Variants in ADAMTS17 observed in about 807,000 individuals in gnomAD.
ADAMTS17 encodes the protein A disintegrin and metalloproteinase with thrombospondin motifs 17.
In ADAMTS17, 113 loss-of-function variants were observed where a neutral mutation model predicts 141.5. The observed-to-expected ratio is 0.80, with a 90% CI of 0.69 to 0.93. The LOEUF (loss-of-function observed/expected upper bound fraction) is 0.93, where lower values mean the gene tolerates loss of function less well. ADAMTS17 is among the 40% of genes least tolerant of loss of function. The pLI is 0.00. For synonymous variants in ADAMTS17, 768 were observed against 630.6 expected, an observed-to-expected ratio of 1.22 and a Z score of -3.27; for missense variants, 1,659 against 1,517.9, an observed-to-expected ratio of 1.09 and a Z score of -1.54.
At chr15:100,110,258 T>C (rs1180463556) in intron 13 of ADAMTS17, among the ~76,000 whole-genome samples, 2 of 140,878 alleles carry the variant, frequency 1.4e-5, no homozygotes, top group African/African-American at 5.1e-5. Context: ...TATAAATACA[T>C]ATATACATAT....
chr15:100,032,492 C>A (rs1250810688), intron 18 of ADAMTS17, among the ~76,000 whole-genome samples: 1 of 152,182 alleles, frequency 6.6e-6, no homozygotes, highest in Middle Eastern at 3.2e-3. Context: ...AATCCCAGAG[C>A]TTTGGGCCTT....
chr15:100,211,099 CAAATAAATAAATAAATAAAT>C (rs372084235), intron 7 of ADAMTS17, among the ~76,000 whole-genome samples: 12 of 131,868 alleles, frequency 9.1e-5, no homozygotes, highest in Admixed American at 7.0e-4. Context: ...GACTCAGTCT[CAAATAAATAAATAAATAAAT>C]AAATAAATAA....
intron 15 of ADAMTS17, among the ~76,000 whole-genome samples, chr15:100,093,270 C>G (rs931135545): frequency 6.6e-5 from 10 of 152,150 alleles, no homozygotes; most frequent in Non-Finnish European, 1.3e-4. Context: ...GCCCTGGATT[C>G]TCAGCTCAGG....
chr15:99,976,001 G>A (rs762224388), intron 21 of ADAMTS17, 44 bp downstream of exon 21: 5 of 1,528,446 alleles, frequency 3.3e-6, no homozygotes, highest in South Asian at 2.5e-5. Flanking sequence ...CTGGGCAGGA[G>A]ACACAGCAGC....
At chr15:100,147,481 G>GTACTAC (rs893054912) in intron 10 of ADAMTS17, among the ~76,000 whole-genome samples, 1 of 152,096 alleles carries the variant, frequency 6.6e-6, no homozygotes, top group Non-Finnish European at 1.5e-5. Flanking sequence ...GCGTGGTACT[G>GTACTAC]TACTACTACT....
chr15:100,104,305 C>A (rs2036294457), intron 14 of ADAMTS17, among the ~76,000 whole-genome samples: 1 of 152,182 alleles, frequency 6.6e-6, no homozygotes, highest in South Asian at 2.1e-4. Context: ...GAAAAATACA[C>A]AATGTTTCTG....
chr15:100,178,589 T>C (rs370343578), intron 8 of ADAMTS17, among the ~76,000 whole-genome samples: 2 of 152,156 alleles, frequency 1.3e-5, no homozygotes, highest in South Asian at 4.1e-4. Flanking sequence ...GTTGTTCTTT[T>C]ACTATTGTTC....
chr15:100,340,416 G>T (rs913670931), intron 2 of ADAMTS17, among the ~76,000 whole-genome samples: 8 of 152,174 alleles, frequency 5.3e-5, no homozygotes, highest in African/African-American at 1.9e-4. Flanking sequence ...CTGGTTGGGG[G>T]TGGGCACCAG....
chr15:100,135,769 G>C (rs1596527327), intron 10 of ADAMTS17, among the ~76,000 whole-genome samples: 1 of 152,162 alleles, frequency 6.6e-6, no homozygotes, highest in South Asian at 2.1e-4. Context: ...CAAAAGTCTT[G>C]AACAGACACT....
At chr15:100,144,789 G>A (rs1327601219) in intron 10 of ADAMTS17, among the ~76,000 whole-genome samples, 1 of 149,310 alleles carries the variant, frequency 6.7e-6, no homozygotes. Flanking sequence ...GATGAGAAAC[G>A]CCACCCCCGA....
At chr15:100,082,343 C>T (rs1272606441) in intron 15 of ADAMTS17, among the ~76,000 whole-genome samples, 1 of 151,588 alleles carries the variant, frequency 6.6e-6, no homozygotes, top group Non-Finnish European at 1.5e-5. Context: ...GGATTACAGG[C>T]GTGAGCCACC....
At chr15:100,160,314 C>T (rs2039632454) in intron 8 of ADAMTS17, among the ~76,000 whole-genome samples, 1 of 152,200 alleles carries the variant, frequency 6.6e-6, no homozygotes, top group Non-Finnish European at 1.5e-5. Context: ...AGTATTCTAA[C>T]CGTGCACTTG....
At chr15:100,166,995 C>T (rs148005777) in intron 8 of ADAMTS17, among the ~76,000 whole-genome samples, 227 of 152,326 alleles carry the variant, frequency 1.5e-3, no homozygotes, top group Middle Eastern at 3.4e-3. Context: ...AAACTTTCTG[C>T]GATGACGGGA....
At chr15:100,152,908 A>T in intron 9 of ADAMTS17, 146 bp from the exon 10 acceptor site, 1 of 608,152 alleles carries the variant, frequency 1.6e-6, no homozygotes, top group Non-Finnish European at 2.2e-6. Context: ...CACTGGACAC[A>T]CAGACTGCGC....
chr15:100,140,368 A>G (rs1423136173), intron 10 of ADAMTS17, among the ~76,000 whole-genome samples: 1 of 152,016 alleles, frequency 6.6e-6, no homozygotes, highest in African/African-American at 2.4e-5. Context: ...AAGAGTTACA[A>G]TTGTCTTACA....
At chr15:100,095,342 G>C (rs1470121409) in intron 15 of ADAMTS17, among the ~76,000 whole-genome samples, 1 of 152,204 alleles carries the variant, frequency 6.6e-6, no homozygotes, top group African/African-American at 2.4e-5. Context: ...TGGCGCAGTA[G>C]GCTGTCTTTC....
At position 99,997,568 on chromosome 15, in the gene ADAMTS17, G is replaced by A; in HGVS notation, c.2613C>T (p.Ser871=). 1.2e-6 allele frequency: 2 copies of A among 1,613,316 alleles called. No homozygotes were observed. Among genetic ancestry groups the A allele is most frequent in the East Asian group, 2.2e-5 (1 of 44,894 alleles). ...CTTTCTCACAGGTCGCCGAGCAGGG[G>A]CTCCACGGGCCTGCCACCCACCTGC... ...CQSRWVAGPW[S]PCSATCEKGF... is the part of the protein sequence containing the mutation. The change falls in exon 19 of 22, where the codon AGC becomes AGT. Residue 871 remains serine, a synonymous_variant. Transcript: ENST00000268070. The surrounding 1 kb of genome is among the most constrained non-coding windows in gnomAD (Gnocchi z 4.7).
chr15:100,241,873 C>G (rs78703214), intron 7 of ADAMTS17, among the ~76,000 whole-genome samples: 1 of 152,024 alleles, frequency 6.6e-6, no homozygotes, highest in Admixed American at 6.5e-5. Context: ...CTAGTAACTC[C>G]GAAGGTTGCT....
At chr15:100,314,449 T>C (rs1326991950) in intron 3 of ADAMTS17, among the ~76,000 whole-genome samples, 1 of 151,918 alleles carries the variant, frequency 6.6e-6, no homozygotes, top group African/African-American at 2.4e-5. Context: ...CAGAACAAAA[T>C]ATGTGTGGAG....
Sources: gnomAD v4.1 joint callset for allele counts (sites outside exome capture counted in the v4.1 genomes callset) on GRCh38, gnomAD v4.1.1 for gene constraint, Gnocchi (gnomAD v3.1) non-coding constraint, MANE v1.5 for transcripts, NCBI Gene and HGNC (gene_info 2026-07-23, HGNC 2026-07-21) for gene names.